ZFAND3: variants seen among roughly 807,000 people sequenced by gnomAD.
ZFAND3 encodes zinc finger AN1-type containing 3.
A neutral mutation model predicts 29.6 loss-of-function variants in ZFAND3; 10 were observed. The observed-to-expected ratio is 0.34, with a 90% CI of 0.21 to 0.57. The LOEUF (loss-of-function observed/expected upper bound fraction) is 0.57. ZFAND3 is among the 20% of genes least tolerant of loss of function. ZFAND3 has a pLI of 0.86. For synonymous variants in ZFAND3, 128 were observed against 112.6 expected (o/e 1.14, Z -0.87); for missense variants, 230 against 304.5 (o/e 0.76, Z 1.82).
At chr6:38,104,857 G>A (rs534646898) in intron 4 of ZFAND3, among the ~76,000 whole-genome samples, 27 of 152,236 alleles carry the variant, frequency 1.8e-4, no homozygotes, top group East Asian at 1.2e-3. Context: ...CTTTGTATAC[G>A]CAGAAAGTAG....
intron 2 of ZFAND3, among the ~76,000 whole-genome samples, chr6:38,057,199 C>G (rs915498969): frequency 2.6e-5 from 4 of 152,184 alleles, no homozygotes; most frequent in African/African-American, 2.4e-5. Flanking sequence ...GACCTTTCAT[C>G]TGCACTGCTC....
rs575150301 is a variant in ZFAND3 at position 37,846,767 on chromosome 6, A to G, written c.71+26751A>G. On this transcript the variant is annotated intron_variant, in intron 1 of 5. Transcript: ENST00000287218. ...CGCTCTGTCGCCCAGGCTGAAGTAC[A>G]GTGGCGTGATCTCGGCTCACTGCAA... Among the ~76,000 whole-genome samples, 459 of 150,348 alleles carry G rather than the reference A, an allele frequency of 3.1e-3. 3 individuals are homozygous for G. Among genetic ancestry groups the G allele is most frequent in the African/African-American group, 0.011 (436 of 40,850 alleles).
At chr6:37,949,622 C>A (rs1761962909) in intron 2 of ZFAND3, among the ~76,000 whole-genome samples, 1 of 152,162 alleles carries the variant, frequency 6.6e-6, no homozygotes, top group South Asian at 2.1e-4. Context: ...TTCCCACAAC[C>A]CCCTCTTTGG....
At chr6:38,103,126 A>G (rs1050650767) in intron 4 of ZFAND3, among the ~76,000 whole-genome samples, 6 of 152,158 alleles carry the variant, frequency 3.9e-5, no homozygotes, top group Non-Finnish European at 7.4e-5. Context: ...ACACAGTTAC[A>G]GTAAGTCCTC....
At chr6:37,848,353 A>C (rs914337375) in intron 1 of ZFAND3, among the ~76,000 whole-genome samples, 2 of 152,254 alleles carry the variant, frequency 1.3e-5, no homozygotes, top group African/African-American at 4.8e-5. Flanking sequence ...GATTGAGGCC[A>C]GGTAAAGCCT....
At chr6:37,915,922 A>G (rs1761240682) in intron 1 of ZFAND3, among the ~76,000 whole-genome samples, 1 of 152,066 alleles carries the variant, frequency 6.6e-6, no homozygotes, top group Non-Finnish European at 1.5e-5. Context: ...GGCATGTGCC[A>G]CCACGCCCAG....
At chr6:37,822,953 T>C (rs1456554190) in intron 1 of ZFAND3, among the ~76,000 whole-genome samples, 1 of 151,972 alleles carries the variant, frequency 6.6e-6, no homozygotes, top group Non-Finnish European at 1.5e-5. Context: ...TTGAGAGGAA[T>C]TGGTGATCCA....
chr6:37,926,708 T>C (rs1357365448), intron 1 of ZFAND3, among the ~76,000 whole-genome samples: 1 of 152,166 alleles, frequency 6.6e-6, no homozygotes, highest in South Asian at 2.1e-4. Flanking sequence ...GTGGTACCCA[T>C]TGGAGAGCTC....
intron 1 of ZFAND3, among the ~76,000 whole-genome samples, chr6:37,830,085 A>G (rs1009775927): frequency 6.6e-6 from 1 of 152,198 alleles, no homozygotes; most frequent in African/African-American, 2.4e-5. Flanking sequence ...AATAAATTAG[A>G]TTTTTACATT....
intron 1 of ZFAND3, among the ~76,000 whole-genome samples, chr6:37,887,333 A>C (rs922023690): frequency 1.3e-5 from 2 of 152,224 alleles, no homozygotes; most frequent in African/African-American, 4.8e-5. Context: ...TTAAATATGT[A>C]ATAATCTTGA....
At chr6:37,992,238 T>C (rs1762771781) in intron 2 of ZFAND3, among the ~76,000 whole-genome samples, 1 of 152,320 alleles carries the variant, frequency 6.6e-6, no homozygotes, top group East Asian at 1.9e-4. Context: ...TTTTTTGTCT[T>C]TGCTGCCCAT....
chr6:37,882,209 T>C (rs571302357), intron 1 of ZFAND3, among the ~76,000 whole-genome samples: 2 of 152,336 alleles, frequency 1.3e-5, no homozygotes, highest in Admixed American at 6.5e-5. Flanking sequence ...TTGTTTGCCA[T>C]GTAGGCAGTC....
At chr6:38,062,174 A>C (rs796747213) in intron 3 of ZFAND3, among the ~76,000 whole-genome samples, 1 of 152,168 alleles carries the variant, frequency 6.6e-6, no homozygotes, top group Non-Finnish European at 1.5e-5. Context: ...CCAGTAAGGG[A>C]TTCTAACCCT....
chr6:37,973,790 A>G (rs759048704), intron 2 of ZFAND3, among the ~76,000 whole-genome samples: 1 of 152,292 alleles, frequency 6.6e-6, no homozygotes, highest in African/African-American at 2.4e-5. Context: ...TTCATGAAAT[A>G]ATTTAAGGAC....
intron 2 of ZFAND3, among the ~76,000 whole-genome samples, chr6:38,049,945 ATT>A (rs869286080): frequency 2.6e-3 from 80 of 30,332 alleles, no homozygotes; most frequent in African/African-American, 7.8e-3. Flanking sequence ...TAGGCAATTA[ATT>A]TTTTTTTTTT....
At chr6:37,924,654 G>T (rs1013212632) in intron 1 of ZFAND3, among the ~76,000 whole-genome samples, 2 of 151,636 alleles carry the variant, frequency 1.3e-5, no homozygotes, top group African/African-American at 4.8e-5. Context: ...GGGCAACAAA[G>T]TAAGACACCA....
chr6:38,106,711 G>A (rs1261043775), intron 4 of ZFAND3, among the ~76,000 whole-genome samples: 4 of 152,146 alleles, frequency 2.6e-5, no homozygotes, highest in South Asian at 2.1e-4. Context: ...ATATGTGTAT[G>A]TGTATATCTT....
At chr6:37,834,572 C>A (rs1001522574) in intron 1 of ZFAND3, among the ~76,000 whole-genome samples, 1 of 152,048 alleles carries the variant, frequency 6.6e-6, no homozygotes, top group African/African-American at 2.4e-5. Context: ...TAAGAAACTG[C>A]GAAACTCTAA....
intron 2 of ZFAND3, among the ~76,000 whole-genome samples, chr6:38,040,599 A>G (rs778041385): frequency 2.3e-4 from 35 of 152,344 alleles, no homozygotes; most frequent in Non-Finnish European, 4.6e-4. Context: ...TCAAACATAT[A>G]CAGAAAAGCA....
Sources: allele counts gnomAD v4.1 joint callset (sites outside exome capture counted in the v4.1 genomes callset), GRCh38; gene constraint gnomAD v4.1.1; transcripts MANE v1.5; gene names NCBI Gene and HGNC (gene_info 2026-07-23, HGNC 2026-07-21).